The following PRICKLE1 variants were observed in gnomAD, a reference collection of about 807,000 sequenced individuals.
PRICKLE1 encodes prickle planar cell polarity protein 1.
PRICKLE1 carries 14 observed loss-of-function variants against 70.2 expected under a neutral mutation model. The observed-to-expected ratio is 0.20, with a 90% confidence interval of 0.13 to 0.31. The LOEUF is 0.31. Ranked by LOEUF, PRICKLE1 falls within the 10% of genes least tolerant of loss-of-function variation. The pLI is 1.00. For missense variants in PRICKLE1, 821 were observed against 1,026.2 expected (o/e 0.80, Z 2.73); for synonymous variants, 357 against 379.9 (o/e 0.94, Z 0.70).
intron 5 of PRICKLE1, among the ~76,000 whole-genome samples, chr12:42,467,416 G>T (rs752656547): frequency 9.8e-5 from 12 of 122,828 alleles, no homozygotes; most frequent in African/African-American, 3.0e-4. Flanking sequence ...AGCCCGGCAG[G>T]TTCTTTCATT....
At chr12:42,499,491 G>C (rs1293088095) in intron 1 of PRICKLE1, among the ~76,000 whole-genome samples, 1 of 151,062 alleles carries the variant, frequency 6.6e-6, no homozygotes, top group Non-Finnish European at 1.5e-5. Flanking sequence ...TACGATCTCA[G>C]CTGACTGTAG....
chr12:42,582,134 C>G (rs1332984733), intron 1 of PRICKLE1, among the ~76,000 whole-genome samples: 2 of 152,194 alleles, frequency 1.3e-5, no homozygotes, highest in African/African-American at 2.4e-5. Flanking sequence ...GCCTGCCAAG[C>G]TGTTTAAGCT....
intron 1 of PRICKLE1, among the ~76,000 whole-genome samples, chr12:42,517,662 G>A (rs1939634811): frequency 1.3e-5 from 2 of 151,872 alleles, no homozygotes; most frequent in Admixed American, 1.3e-4. Flanking sequence ...TCCACAGGCT[G>A]GTCTTTAAGG....
intron 1 of PRICKLE1, among the ~76,000 whole-genome samples, chr12:42,517,505 G>C (rs919874935): frequency 6.6e-6 from 1 of 151,750 alleles, no homozygotes; most frequent in African/African-American, 2.4e-5. Context: ...GTAGAGATGG[G>C]GTTTCACCGT....
chr12:42,501,527 A>G (rs1261007774), intron 1 of PRICKLE1, among the ~76,000 whole-genome samples: 804 of 74,798 alleles, frequency 0.011, 17 homozygotes, highest in African/African-American at 0.053. Context: ...AAAAAAAAAA[A>G]AAAGAAAAGA....
intron 1 of PRICKLE1, among the ~76,000 whole-genome samples, chr12:42,543,142 T>C (rs1485613114): frequency 6.6e-6 from 1 of 152,160 alleles, no homozygotes; most frequent in Non-Finnish European, 1.5e-5. Flanking sequence ...GAGAAATACA[T>C]TTCTGTTGTT....
In PRICKLE1 at chr12:42,460,526, C is replaced by A. The variant is rs890912439; in HGVS notation, c.1779G>T (p.Glu593Asp). The change falls in exon 8 of 8, where the codon GAG becomes GAT. Residue 593 changes from glutamate (E) to aspartate (D), a missense_variant. Transcript: ENST00000345127. ...LNSSMLHRSA[E>D]SLKSLSSELC... ...ACTCTGAACTTAGACTCTTTAAGGA[C>A]TCTGCACTCCTGTGCAGCATGGAAG... The A allele has an allele frequency of 2.5e-6, 4 of 1,613,986 alleles. No homozygotes were observed. In the African/African-American group the frequency reaches 5.3e-5, roughly 22 times the overall value.
chr12:42,499,792 A>C (rs1014560148), intron 1 of PRICKLE1, among the ~76,000 whole-genome samples: 1 of 151,916 alleles, frequency 6.6e-6, no homozygotes, highest in Non-Finnish European at 1.5e-5. Flanking sequence ...CAGTGGACTG[A>C]TCTTGGCTCA....
intron 1 of PRICKLE1, among the ~76,000 whole-genome samples, chr12:42,532,076 G>A (rs1939928269): frequency 6.6e-6 from 1 of 152,132 alleles, no homozygotes; most frequent in Non-Finnish European, 1.5e-5. Context: ...AAGTGGAAAC[G>A]ATCGCTTGAG....
At chr12:42,584,702 G>T (rs547604937) in intron 1 of PRICKLE1, among the ~76,000 whole-genome samples, 6 of 152,114 alleles carry the variant, frequency 3.9e-5, no homozygotes, top group Non-Finnish European at 8.8e-5. Flanking sequence ...CGCCAATATT[G>T]TGTGTAATTG....
intron 1 of PRICKLE1, among the ~76,000 whole-genome samples, chr12:42,477,955 CT>C (rs35905569): frequency 0.3 from 39,369 of 133,024 alleles, 5,437 homozygotes; most frequent in East Asian, 0.41. Context: ...CTGCCCTATA[CT>C]TTTTTTTTTT....
chr12:42,491,944 C>T (rs946795167), intron 1 of PRICKLE1, among the ~76,000 whole-genome samples: 3 of 151,900 alleles, frequency 2.0e-5, no homozygotes, highest in East Asian at 1.9e-4. Context: ...CCGCCACGCC[C>T]GGCTAATTTT....
chr12:42,533,342 A>C (rs1164581201), intron 1 of PRICKLE1, among the ~76,000 whole-genome samples: 1 of 152,026 alleles, frequency 6.6e-6, no homozygotes, highest in Non-Finnish European at 1.5e-5. Context: ...TAAACATTCA[A>C]CTCCAAGAAC....
intron 1 of PRICKLE1, among the ~76,000 whole-genome samples, chr12:42,490,316 G>T (rs1370573952): frequency 6.6e-6 from 1 of 152,218 alleles, no homozygotes; most frequent in Non-Finnish European, 1.5e-5. Flanking sequence ...AGGGGGCCTA[G>T]TCCAGGCTGA....
intron 1 of PRICKLE1, among the ~76,000 whole-genome samples, chr12:42,533,211 T>C (rs1324258743): frequency 6.9e-6 from 1 of 145,208 alleles, no homozygotes; most frequent in Non-Finnish European, 1.5e-5. Context: ...TTTTTTTTTC[T>C]TCTTTTTTTT....
chr12:42,489,759 C>T (rs1162634468), intron 1 of PRICKLE1: 1 of 151,652 alleles, frequency 6.6e-6, no homozygotes. Context: ...TTCTTCCTCC[C>T]AGTCACAAGC....
intron 1 of PRICKLE1, among the ~76,000 whole-genome samples, chr12:42,555,922 T>C (rs1269422740): frequency 6.6e-6 from 1 of 152,220 alleles, no homozygotes; most frequent in Non-Finnish European, 1.5e-5. Context: ...AAAAGAATTA[T>C]GCCTTTCACT....
At chr12:42,488,175 C>T (rs535255050) in intron 1 of PRICKLE1, among the ~76,000 whole-genome samples, 1 of 152,268 alleles carries the variant, frequency 6.6e-6, no homozygotes, top group South Asian at 2.1e-4. Flanking sequence ...TCCAAGGCAG[C>T]CCCCAGGCAC....
chr12:42,498,178 T>C (rs1939242088), intron 1 of PRICKLE1, among the ~76,000 whole-genome samples: 2 of 95,504 alleles, frequency 2.1e-5, no homozygotes, highest in Middle Eastern at 6.4e-3. Context: ...CTCTCTCTCT[T>C]TTTTTTTTTT....
Sources: gnomAD v4.1 joint callset for allele counts (sites outside exome capture counted in the v4.1 genomes callset) on GRCh38, gnomAD v4.1.1 for gene constraint, MANE v1.5 for transcripts, NCBI Gene and HGNC (gene_info 2026-07-23, HGNC 2026-07-21) for gene names.